ARIH1: variants seen among roughly 807,000 people sequenced by gnomAD.
ARIH1 encodes E3 ubiquitin-protein ligase ARIH1.
ARIH1 carries 8 observed loss-of-function variants against 85.0 expected under a neutral mutation model. That is an observed-to-expected ratio of 0.09 (90% confidence interval 0.06 to 0.17). ARIH1 has a LOEUF of 0.17. Ranked by LOEUF, ARIH1 falls within the 10% of genes least tolerant of loss-of-function variation. The probability of loss-of-function intolerance (pLI) is 1.00; values close to 1 mark genes in which losing one functional copy is unlikely to be tolerated. For synonymous variants in ARIH1, 238 were observed against 253.6 expected, an observed-to-expected ratio of 0.94 and a Z score of 0.59; for missense variants, 311 against 718.1, an observed-to-expected ratio of 0.43 and a Z score of 6.48.
At chr15:72,567,613 A>G (rs530454499) in intron 9 of ARIH1, among the ~76,000 whole-genome samples, 20 of 152,340 alleles carry the variant, frequency 1.3e-4, no homozygotes, top group East Asian at 1.9e-4. Context: ...TCAAAATTCA[A>G]TTTCAAAATT....
At chr15:72,487,641 A>G (rs2063842773) in intron 1 of ARIH1, among the ~76,000 whole-genome samples, 1 of 151,492 alleles carries the variant, frequency 6.6e-6, no homozygotes, top group South Asian at 2.1e-4. Flanking sequence ...TTCATTTTCC[A>G]CATCCAGTTA....
At chr15:72,475,359 G>T (rs574932746) in intron 1 of ARIH1, among the ~76,000 whole-genome samples, 27 of 152,370 alleles carry the variant, frequency 1.8e-4, no homozygotes, top group Admixed American at 1.3e-4. Flanking sequence ...GGCGGAGGAG[G>T]TGGGGTGGAG....
At position 72,530,606 on chromosome 15, in the gene ARIH1, A is replaced by G. The variant is rs566843138; in HGVS notation, c.443+12472A>G. 1.3e-3 allele frequency among the ~76,000 whole-genome samples: 194 copies of G among 152,328 alleles called. 1 individual carries two copies. The highest frequency in any genetic ancestry group is 4.5e-3 in the African/African-American group (188 of 41,566). On this transcript the variant is annotated intron_variant, in intron 2 of 13. Transcript: ENST00000379887. ...AGACCTTAAACTATTTTCTCAAATTATTTTTCTAATTAAAACATAACAACC... is the reference window on the plus strand; with the variant it reads ...AGACCTTAAACTATTTTCTCAAATTGTTTTTCTAATTAAAACATAACAACC...
At chr15:72,543,460 C>T (rs1202230172) in intron 2 of ARIH1, among the ~76,000 whole-genome samples, 3 of 152,250 alleles carry the variant, frequency 2.0e-5, no homozygotes, top group African/African-American at 7.2e-5. Flanking sequence ...CAACTTTTAA[C>T]TTTCTGATAA....
In ARIH1 at chr15:72,480,158, C is replaced by T. The variant is rs148644383; in HGVS notation, c.375+5144C>T. Among the ~76,000 whole-genome samples the T allele has an allele frequency of 4.5e-3, 685 of 152,132 alleles. 8 individuals carry two copies. The highest frequency in any genetic ancestry group is 0.016 in the African/African-American group (658 of 41,488). ...TGCTGGGATTACAGGCATGAGCCAC[C>T]GTGCCCGGTCAACAGTGTACTATTC... On this transcript the variant is annotated intron_variant, in intron 1 of 13. Coordinates refer to ENST00000379887, the MANE Select transcript of ARIH1 (RefSeq NM_005744.5).
At chr15:72,569,287 G>A (rs1393885013) in intron 9 of ARIH1, among the ~76,000 whole-genome samples, 2 of 152,274 alleles carry the variant, frequency 1.3e-5, no homozygotes, top group South Asian at 2.1e-4. Flanking sequence ...CAGCCTGGTC[G>A]ACGGTGAGAC....
intron 2 of ARIH1, among the ~76,000 whole-genome samples, chr15:72,534,535 T>C (rs2064072304): frequency 6.6e-6 from 1 of 152,238 alleles, no homozygotes; most frequent in African/African-American, 2.4e-5. Context: ...TCTTTTTTCC[T>C]GGACATGTAG....
chr15:72,506,462 A>G (rs2063926372), intron 1 of ARIH1, among the ~76,000 whole-genome samples: 1 of 151,162 alleles, frequency 6.6e-6, no homozygotes, highest in Non-Finnish European at 1.5e-5. Context: ...CAATTGTAAT[A>G]TGGGAATTGA....
intron 11 of ARIH1, among the ~76,000 whole-genome samples, chr15:72,578,816 G>GT (rs11385438): frequency 0.71 from 99,381 of 140,688 alleles, 40,694 homozygotes; most frequent in Non-Finnish European, 0.9. Context: ...GTTTTTTGGT[G>GT]TTTTGTTTTT....
At chr15:72,519,991 T>C (rs2063992479) in intron 2 of ARIH1, among the ~76,000 whole-genome samples, 1 of 152,226 alleles carries the variant, frequency 6.6e-6, no homozygotes, top group Non-Finnish European at 1.5e-5. Flanking sequence ...ATAACACTGC[T>C]GAAAATATTT....
chr15:72,602,637 G>A lies in ARIH1; in HGVS notation c.*19345G>A. 1 of 152,152 alleles carries A rather than the reference G, an allele frequency of 6.6e-6. No individual in the cohort carries two copies. The allele number at this position is 152,152 out of a possible 1,614,324, so 9.4% of individuals were successfully genotyped here. The stretch of plus-strand genomic sequence containing the variant: ...TCTTACTGAAAATTGGAAGTCTTAA[G>A]GTGTAGTCTATTTTATGCAGTGTGA... On this transcript the variant is annotated 3_prime_UTR_variant, in exon 14 of 14. Transcript: ENST00000379887.
In ARIH1 at chr15:72,600,003, TG is replaced by T. The variant is rs2064376733; in HGVS notation, c.*16714del. ...TCTCAAGCGTTTGTGGTATAGGTTTTGGGAGGACTGGACACTTCCAAAGAGA... is the reference window on the plus strand; with the variant it reads ...TCTCAAGCGTTTGTGGTATAGGTTTTGGAGGACTGGACACTTCCAAAGAGA... On this transcript the variant is annotated 3_prime_UTR_variant, in exon 14 of 14. Transcript: ENST00000379887. The T allele has an allele frequency of 1.3e-5, 2 of 152,240 alleles. No individual in the cohort carries two copies. Among genetic ancestry groups the T allele is most frequent in the Admixed American group, 1.3e-4 (2 of 15,286 alleles). The allele number at this position is 152,240 out of a possible 1,614,324, so 9.4% of individuals were successfully genotyped here.
chr15:72,557,057 TTTA>T (rs2064177534), intron 5 of ARIH1, among the ~76,000 whole-genome samples: 1 of 152,220 alleles, frequency 6.6e-6, no homozygotes, highest in African/African-American at 2.4e-5. Flanking sequence ...GGTAGAATGA[TTTA>T]TTTTCCCTGT....
chr15:72,495,124 G>T (rs143981958), intron 1 of ARIH1, among the ~76,000 whole-genome samples: 4 of 152,228 alleles, frequency 2.6e-5, no homozygotes, highest in Non-Finnish European at 4.4e-5. Context: ...AGTCACGATA[G>T]CCCTTATACT....
In ARIH1 at chr15:72,593,864, A is replaced by T. The variant is rs2064352381; in HGVS notation, c.*10572A>T. ...TAGATGTGCTGGGTTAGCTGTGTTC[A>T]TGCCACTGCATTCCAGCTTGGGTGA... On this transcript the variant is annotated 3_prime_UTR_variant, in exon 14 of 14. Transcript: ENST00000379887. The T allele has an allele frequency of 6.6e-6, 1 of 151,792 alleles. No individual in the cohort carries two copies. The highest frequency in any genetic ancestry group is 1.5e-5 in the Non-Finnish European group (1 of 67,952). The allele number at this position is 151,792 out of a possible 1,614,324, so 9.4% of individuals were successfully genotyped here.
chr15:72,571,226 G>A (rs1431016017), intron 10 of ARIH1, among the ~76,000 whole-genome samples: 1 of 150,310 alleles, frequency 6.7e-6, no homozygotes, highest in Non-Finnish European at 1.5e-5. Flanking sequence ...TGGGTGACAG[G>A]CAAAAGTTTA....
At chr15:72,543,793 A>T (rs2064117822) in intron 2 of ARIH1, among the ~76,000 whole-genome samples, 1 of 152,074 alleles carries the variant, frequency 6.6e-6, no homozygotes, top group African/African-American at 2.4e-5. Flanking sequence ...AAAGTAATTG[A>T]CCAGATTGCA....
At position 72,525,855 on chromosome 15, in the gene ARIH1, G is replaced by A. The variant is rs570057205; in HGVS notation, c.443+7721G>A. On this transcript the variant is annotated intron_variant, in intron 2 of 13. Coordinates refer to ENST00000379887, the MANE Select transcript of ARIH1 (RefSeq NM_005744.5). ...AGGGTCTTGCTATGTTGTCCAGGCT[G>A]GTCTCAAACTCCTAGACACAAGCGA... Among the ~76,000 whole-genome samples the A allele has an allele frequency of 1.1e-4, 16 of 151,428 alleles. No individual in the cohort carries two copies. In the South Asian group the frequency reaches 2.1e-3, roughly 20 times the overall value.
intron 5 of ARIH1, among the ~76,000 whole-genome samples, chr15:72,559,061 C>G (rs1391476055): frequency 6.6e-6 from 1 of 152,116 alleles, no homozygotes; most frequent in Non-Finnish European, 1.5e-5. Flanking sequence ...CTAGGACCCA[C>G]GTCCTCCACC....
Sources: allele counts gnomAD v4.1 joint callset (sites outside exome capture counted in the v4.1 genomes callset), GRCh38; gene constraint gnomAD v4.1.1; transcripts MANE v1.5; gene names NCBI Gene and HGNC (gene_info 2026-07-23, HGNC 2026-07-21).